The following SAMD5 variants were observed in gnomAD, a reference collection of about 807,000 sequenced individuals.
SAMD5 encodes sterile alpha motif domain-containing protein 5.
Under a neutral mutation model 11.3 loss-of-function variants are expected in SAMD5, and 13 were observed. That is an observed-to-expected ratio of 1.15 (90% CI 0.75 to 1.83). The LOEUF (loss-of-function observed/expected upper bound fraction) is 1.83. SAMD5 is among the 40% of genes most tolerant of loss of function. SAMD5 has a pLI of 0.00. For missense variants in SAMD5, 255 were observed against 239.1 expected, an observed-to-expected ratio of 1.07 and a Z score of -0.44; for synonymous variants, 129 against 111.3, an observed-to-expected ratio of 1.16 and a Z score of -1.00.
rs1374934132 is a variant in SAMD5 at position 147,508,701 on chromosome 6, G to A, written c.-228G>A. 6.6e-6 allele frequency among the ~76,000 whole-genome samples: 1 copy of A among 152,168 alleles called. No homozygotes were observed. Among genetic ancestry groups the A allele is most frequent in the African/African-American group, 2.4e-5 (1 of 41,460 alleles). On this transcript the variant is annotated 5_prime_UTR_variant, in exon 1 of 2. Coordinates refer to ENST00000367474, the MANE Select transcript of SAMD5 (RefSeq NM_001030060.3). The stretch of plus-strand genomic sequence containing the variant: ...TCAGCCCAGCAGCCAGTGCCTGCGA[G>A]CTCCGCTGCTGCTTGGGGAATTCAC...
the SAMD5 span, among the ~76,000 whole-genome samples, chr6:147,885,268 G>A: frequency 6.6e-6 from 1 of 152,030 alleles, no homozygotes; most frequent in African/African-American, 2.4e-5. Flanking sequence ...TGACCAGCAT[G>A]GGCAACATAG....
At chr6:147,925,072 C>A in the SAMD5 span, among the ~76,000 whole-genome samples, 3 of 152,274 alleles carry the variant, frequency 2.0e-5, no homozygotes, top group South Asian at 6.2e-4. Flanking sequence ...GTGGTATGTA[C>A]TGAATGCTTA....
At chr6:147,895,774 G>T in the SAMD5 span, among the ~76,000 whole-genome samples, 2 of 152,238 alleles carry the variant, frequency 1.3e-5, no homozygotes, top group South Asian at 2.1e-4. Flanking sequence ...AAAATCAAGT[G>T]GCCTATAAGA....
chr6:147,540,737 A>G (rs1336002812), intron 1 of SAMD5, among the ~76,000 whole-genome samples: 3 of 151,438 alleles, frequency 2.0e-5, no homozygotes, highest in Admixed American at 2.0e-4. Context: ...TTGCAGAGAG[A>G]CAAGTAGTGA....
At chr6:147,617,393 C>T (rs963412850) in intron 1 of SAMD5, among the ~76,000 whole-genome samples, 1 of 152,212 alleles carries the variant, frequency 6.6e-6, no homozygotes, top group African/African-American at 2.4e-5. Context: ...GAAAAAGCAA[C>T]TTTTCTGATT....
chr6:147,698,754 G>A (rs571452037), intron 1 of SAMD5, among the ~76,000 whole-genome samples: 78 of 152,222 alleles, frequency 5.1e-4, no homozygotes, highest in African/African-American at 1.8e-3. Context: ...ACAAGCAATC[G>A]ACTGGTAAAC....
intron 1 of SAMD5, among the ~76,000 whole-genome samples, chr6:147,660,467 C>T (rs979779830): frequency 6.6e-6 from 1 of 152,172 alleles, no homozygotes; most frequent in African/African-American, 2.4e-5. Context: ...GGTTTGTCAC[C>T]CCATTATAGT....
chr6:147,737,336 T>C, exon 2 of SAMD5: 2 of 1,257,734 alleles, frequency 1.6e-6, no homozygotes, highest in Non-Finnish European at 2.1e-6. Flanking sequence ...TGCCGCTACC[T>C]TCAAGAAGTA....
At chr6:147,571,547 C>T (rs1175471916), downstream of SAMD5, among the ~76,000 whole-genome samples, 2 of 151,304 alleles carry the variant, frequency 1.3e-5, no homozygotes, top group African/African-American at 2.4e-5. Context: ...ATTATGGACA[C>T]TTTTTTGACT....
the SAMD5 span, among the ~76,000 whole-genome samples, chr6:147,822,991 A>AT: frequency 6.6e-6 from 1 of 151,694 alleles, no homozygotes; most frequent in Admixed American, 6.6e-5. Flanking sequence ...ATTTTTTTAT[A>AT]TTTTTGGTAG....
Position 147,711,507 on chromosome 6 carries a change from A to T in SAMD5, c.163-25810A>T, listed in dbSNP as rs1034033946. On this transcript the variant is annotated intron_variant, in intron 1 of 1. Coordinates refer to the SAMD5 transcript ENST00000566741. The surrounding 1 kb of genome is among the most constrained non-coding windows in gnomAD (Gnocchi z 4.1). ...TTTAGGCTGAAATAGAAAGAAGCTC[A>T]AAACAAACCCACTGGCCTATTTTTG... is the stretch of plus-strand genomic sequence containing the variant. Among the ~76,000 whole-genome samples, 1 of 152,234 alleles carries T rather than the reference A, an allele frequency of 6.6e-6. No individual in the cohort carries two copies. The highest frequency in any genetic ancestry group is 2.4e-5 in the African/African-American group (1 of 41,456).
the SAMD5 span, among the ~76,000 whole-genome samples, chr6:147,752,439 GA>G: frequency 6.6e-6 from 1 of 152,104 alleles, no homozygotes; most frequent in Non-Finnish European, 1.5e-5. Flanking sequence ...TGTCACAATG[GA>G]AATTTTTGGA....
At chr6:147,910,191 A>C in the SAMD5 span, among the ~76,000 whole-genome samples, 1 of 151,920 alleles carries the variant, frequency 6.6e-6, no homozygotes, top group East Asian at 1.9e-4. Context: ...TTCCCCTCAA[A>C]TAGAAGGGAT....
the SAMD5 span, among the ~76,000 whole-genome samples, chr6:147,808,603 A>T: frequency 6.6e-6 from 1 of 152,164 alleles, no homozygotes; most frequent in Non-Finnish European, 1.5e-5. Context: ...ATAAGAATTA[A>T]CTTTGTTTCT....
At chr6:147,634,957 C>T (rs1014900799) in intron 1 of SAMD5, among the ~76,000 whole-genome samples, 7 of 151,938 alleles carry the variant, frequency 4.6e-5, no homozygotes, top group Non-Finnish European at 1.0e-4. Flanking sequence ...GGACCTTTGC[C>T]TGAAGAAGAA....
intron 1 of SAMD5, among the ~76,000 whole-genome samples, chr6:147,553,124 A>G (rs1356560990): frequency 6.6e-6 from 1 of 152,228 alleles, no homozygotes; most frequent in Non-Finnish European, 1.5e-5. Flanking sequence ...TGTTCTAAAC[A>G]GTCTTGTAGA....
chr6:147,872,707 TGGAACAGACATGA>T, the SAMD5 span, among the ~76,000 whole-genome samples: 1 of 152,154 alleles, frequency 6.6e-6, no homozygotes, highest in Non-Finnish European at 1.5e-5. Flanking sequence ...TGGTCCGTGA[TGGAACAGACATGA>T]GGAAAATCCC....
chr6:147,869,244 CT>C, the SAMD5 span, among the ~76,000 whole-genome samples: 1 of 152,220 alleles, frequency 6.6e-6, no homozygotes, highest in Admixed American at 6.5e-5. Context: ...GGGGTCCCCT[CT>C]GATTGTGATA....
At chr6:147,626,791 G>GGAAAAAA (rs1491388774) in intron 1 of SAMD5, among the ~76,000 whole-genome samples, 4 of 54,718 alleles carry the variant, frequency 7.3e-5, no homozygotes, top group African/African-American at 2.1e-4. Context: ...CTGTTTCTAT[G>GGAAAAAA]AAAAAAAAAA....
Sources: allele counts gnomAD v4.1 joint callset (sites outside exome capture counted in the v4.1 genomes callset), GRCh38; gene constraint gnomAD v4.1.1; non-coding constraint Gnocchi (gnomAD v3.1); transcripts MANE v1.5; gene names NCBI Gene and HGNC (gene_info 2026-07-23, HGNC 2026-07-21).